The following HFM1 variants were observed in gnomAD, a reference collection of about 807,000 sequenced individuals.
HFM1 encodes probable ATP-dependent DNA helicase HFM1.
HFM1 carries 169 observed loss-of-function variants against 192.1 expected under a neutral mutation model. The observed-to-expected ratio is 0.88, with a 90% CI of 0.78 to 1.00. The LOEUF is 1.00. Among genes scored for constraint, HFM1 ranks in the 50% least tolerant of loss-of-function variants. The probability of loss-of-function intolerance (pLI) is 0.00; values close to 1 mark genes in which losing one functional copy is unlikely to be tolerated. For synonymous variants in HFM1, 525 were observed against 537.8 expected (o/e 0.98, Z 0.33); for missense variants, 1,661 against 1,668.0 (o/e 1.00, Z 0.07).
chr1:91,264,361 A>ATTTTTTTTTT lies in HFM1; in HGVS notation c.3974+1646_3974+1655dup, dbSNP rs71087940. On this transcript the variant is annotated intron_variant, in intron 36 of 38. Transcript: ENST00000370425. The stretch of plus-strand genomic sequence containing the variant: ...TTCCAAGGGATACCACAAATTTAGT[A>ATTTTTTTTTT]TTTTTTTTTTTTTTTTTTTTTTTTT... Among the ~76,000 whole-genome samples the ATTTTTTTTTT allele has an allele frequency of 2.8e-3, 160 of 57,094 alleles. 26 individuals are homozygous for ATTTTTTTTTT. Among genetic ancestry groups the ATTTTTTTTTT allele is most frequent in the East Asian group, 0.014 (26 of 1,872 alleles). The allele number at this position is 57,094 out of a possible 152,430, so 37.5% of individuals were successfully genotyped here.
At chr1:91,389,135 T>C (rs1178000102) in intron 4 of HFM1, among the ~76,000 whole-genome samples, 1 of 64,234 alleles carries the variant, frequency 1.6e-5, no homozygotes, top group East Asian at 2.2e-4. Context: ...TTGTTGGGTT[T>C]TTTTTTTTTT....
rs1226837582 is a variant in HFM1 at position 91,340,324 on chromosome 1, G to A, written c.2335+3106C>T. On this transcript the variant is annotated intron_variant, in intron 20 of 38. Coordinates refer to ENST00000370425, the MANE Select transcript of HFM1 (RefSeq NM_001017975.6). ...TGTGCCCAGCCTTGGCATTCTTAAAGAAAAGAAACTCCAACCATAAGTTTC... is the reference window on the plus strand; with the variant it reads ...TGTGCCCAGCCTTGGCATTCTTAAAAAAAAGAAACTCCAACCATAAGTTTC... Among the ~76,000 whole-genome samples the A allele has an allele frequency of 2.0e-5, 3 of 152,060 alleles. No homozygotes were observed. The East Asian group carries it at 5.8e-4, about 29-fold the overall frequency.
In HFM1 at chr1:91,261,227, G is replaced by C; in HGVS notation, c.*63C>G. ...ATGAACTACTTTTTAAAAATAAAAA[G>C]CATGCTTTGTGATTAGGTGTCTTTA... On this transcript the variant is annotated 3_prime_UTR_variant, in exon 39 of 39. Coordinates refer to ENST00000370425, the MANE Select transcript of HFM1 (RefSeq NM_001017975.6). 1.5e-6 allele frequency: 1 copy of C among 672,512 alleles called. No individual in the cohort carries two copies. The highest frequency in any genetic ancestry group is 2.2e-6 in the Non-Finnish European group (1 of 447,290). The allele number at this position is 672,512 out of a possible 1,614,324, so 41.7% of individuals were successfully genotyped here.
At chr1:91,345,751 T>A (rs895139449) in intron 19 of HFM1, among the ~76,000 whole-genome samples, 6 of 152,188 alleles carry the variant, frequency 3.9e-5, no homozygotes, top group Non-Finnish European at 8.8e-5. Flanking sequence ...TCTAAGACCC[T>A]CATTCCAGGG....
chr1:91,304,832 T>A (rs374457666), intron 30 of HFM1, among the ~76,000 whole-genome samples: 30 of 152,192 alleles, frequency 2.0e-4, no homozygotes, highest in African/African-American at 5.8e-4. Context: ...TTGAGTTAAT[T>A]TTTGTATATG....
chr1:91,323,559 C>T (rs1349300972), intron 21 of HFM1, among the ~76,000 whole-genome samples: 2 of 152,128 alleles, frequency 1.3e-5, no homozygotes, highest in Non-Finnish European at 2.9e-5. Context: ...AATACTACTA[C>T]TACTGCTATT....
intron 11 of HFM1, 109 bp downstream of exon 11, chr1:91,377,916 T>G (rs1307306050): frequency 1.6e-5 from 15 of 944,120 alleles, no homozygotes; most frequent in Middle Eastern, 3.1e-4. Context: ...ACAACATACT[T>G]TCCTATTAAA....
intron 18 of HFM1, 65 bp downstream of exon 18, chr1:91,350,673 T>A (rs1464434476): frequency 6.9e-7 from 1 of 1,443,420 alleles, no homozygotes; most frequent in Admixed American, 1.8e-5. Flanking sequence ...CTGTAACTTA[T>A]TAGTATAAAT....
intron 13 of HFM1, among the ~76,000 whole-genome samples, chr1:91,360,862 A>G (rs1658403530): frequency 6.6e-6 from 1 of 152,248 alleles, no homozygotes; most frequent in Non-Finnish European, 1.5e-5. Flanking sequence ...ACCAGAGCAC[A>G]ATCAAATTAG....
intron 6 of HFM1, among the ~76,000 whole-genome samples, chr1:91,383,897 A>G (rs1235286936): frequency 7.1e-6 from 1 of 140,938 alleles, no homozygotes; most frequent in African/African-American, 2.7e-5. Context: ...CAATGTTTAC[A>G]TATTAAAAAA....
At chr1:91,261,486 A>G in intron 38 of HFM1, 127 bp from the exon 39 acceptor site, 1 of 438,484 alleles carries the variant, frequency 2.3e-6, no homozygotes, top group Non-Finnish European at 3.9e-6. Flanking sequence ...TTAATGTATC[A>G]AATAAACTTC....
chr1:91,276,545 G>A, intron 32 of HFM1, 83 bp downstream of exon 32: 1 of 598,024 alleles, frequency 1.7e-6, no homozygotes, highest in South Asian at 2.7e-5. Context: ...AGTACACTGT[G>A]GATACCTAAT....
intron 38 of HFM1, 107 bp from the exon 39 acceptor site, chr1:91,261,466 T>G: frequency 2.1e-6 from 1 of 477,700 alleles, no homozygotes; most frequent in Non-Finnish European, 3.5e-6. Context: ...ACTTGAAGAT[T>G]GCTATGAAGT....
At chr1:91,265,249 C>T (rs681589) in intron 36 of HFM1, among the ~76,000 whole-genome samples, 44,525 of 152,082 alleles carry the variant, frequency 0.29, 6,690 homozygotes, top group Non-Finnish European at 0.32. Flanking sequence ...ATCTGGCCTA[C>T]AGATATTATT....
At chr1:91,404,917 TCCTA>T (rs952629877), upstream of HFM1, 1 of 453,368 alleles carries the variant, frequency 2.2e-6, no homozygotes, top group Non-Finnish European at 4.4e-6. Flanking sequence ...ACCTCTCCCT[TCCTA>T]CCTTTTTTTC....
Position 91,328,302 on chromosome 1 carries a change from G to A in HFM1, c.2336-3536C>T, listed in dbSNP as rs1021191470. ...GGGGAAAGTGGGCTTAGGACCGCCT[G>A]CCCAGGGCAACCCTGAATCAAGCTT... On this transcript the variant is annotated intron_variant, in intron 20 of 38. Coordinates refer to ENST00000370425, the MANE Select transcript of HFM1 (RefSeq NM_001017975.6). 2.8e-5 allele frequency: 37 copies of A among 1,299,238 alleles called. No individual in the cohort carries two copies. In the Admixed American group the frequency reaches 9.6e-4, roughly 34 times the overall value. 80.5% of individuals were successfully genotyped at this position (1,299,238 alleles called of 1,614,324 possible).
Position 91,378,140 on chromosome 1 carries a change from A to G in HFM1, c.1280T>C (p.Val427Ala), listed in dbSNP as rs1490261609. 1 of 1,609,338 alleles carries G rather than the reference A, an allele frequency of 6.2e-7. No homozygotes were observed. The highest frequency in any genetic ancestry group is 1.3e-5 in the African/African-American group (1 of 74,712). Residue 427 changes from valine to alanine, a missense_variant, in exon 11 of 39, where the codon GTT (valine) becomes GCT (alanine). Transcript: ENST00000370425. Reference sequence around the variant, plus strand: ...TACAGTTTTCATTCTGCTAACTACAACTTCAAGAGTTGGACCACGATTTTC... The same window carrying G: ...TACAGTTTTCATTCTGCTAACTACAGCTTCAAGAGTTGGACCACGATTTTC... ...KDENRGPTLE[V>A]VVSRMKTVQS... is the part of the protein sequence containing the mutation.
In HFM1 at chr1:91,343,452, T is replaced by G. The variant is rs1446395217; in HGVS notation, c.2313A>C (p.Glu771Asp). The change falls in exon 20 of 39, where the codon GAA becomes GAC. Residue 771 changes from glutamate to aspartate, a missense_variant. By Grantham distance (45) the Glu-to-Asp change is conservative (BLOSUM62 2). Transcript: ENST00000370425. ...TACCAGTTGGTTTGAAATTAACACC[T>G]TCATCCATCTTTATTAAGTCCAGGG... ...LSSLDLIKMD[E>D]GVNFKPTEAG... The G allele has an allele frequency of 7.0e-7, 1 of 1,431,934 alleles. No individual in the cohort carries two copies. The highest frequency in any genetic ancestry group is 1.4e-5 in the African/African-American group (1 of 69,866). 88.7% of individuals were successfully genotyped at this position (1,431,934 alleles called of 1,614,324 possible). A position where few individuals can be genotyped will look rare whatever the true frequency, so the allele number is the denominator to read the frequency against.
chr1:91,274,867 CAT>C, intron 32 of HFM1, 58 bp from the exon 33 acceptor site: 1 of 816,518 alleles, frequency 1.2e-6, no homozygotes, highest in Non-Finnish European at 2.0e-6. Context: ...ACTTGTAACA[CAT>C]GAGCCAAACA....
Sources: allele counts gnomAD v4.1 joint callset (sites outside exome capture counted in the v4.1 genomes callset), GRCh38; gene constraint gnomAD v4.1.1; transcripts MANE v1.5; gene names NCBI Gene and HGNC (gene_info 2026-07-23, HGNC 2026-07-21).